The following SLIT2 variants were observed in gnomAD, a reference collection of about 807,000 sequenced individuals.
The protein encoded by SLIT2 is slit homolog 2 protein.
SLIT2 carries 41 observed loss-of-function variants against 185.7 expected under a neutral mutation model. That is an observed-to-expected ratio of 0.22 (90% CI 0.17 to 0.29). The LOEUF is 0.29. SLIT2 is among the 10% of genes least tolerant of loss of function. SLIT2 has a pLI of 1.00. For missense variants in SLIT2, 1,571 were observed against 1,909.0 expected, an observed-to-expected ratio of 0.82 and a Z score of 3.30; for synonymous variants, 693 against 680.2, an observed-to-expected ratio of 1.02 and a Z score of -0.29.
intron 4 of SLIT2, among the ~76,000 whole-genome samples, chr4:20,313,085 T>A (rs1244835957): frequency 1.3e-5 from 2 of 152,200 alleles, no homozygotes; most frequent in African/African-American, 4.8e-5. Flanking sequence ...TACTGTAGTC[T>A]TGTCACATTT....
intron 4 of SLIT2, among the ~76,000 whole-genome samples, chr4:20,274,488 AAATC>A: frequency 6.6e-6 from 1 of 152,292 alleles, no homozygotes; most frequent in Admixed American, 6.5e-5. Context: ...TTTATTTTTT[AAATC>A]AACGTGTAAT....
At chr4:20,404,918 A>G (rs1726658601) in intron 4 of SLIT2, among the ~76,000 whole-genome samples, 1 of 151,974 alleles carries the variant, frequency 6.6e-6, no homozygotes, top group Admixed American at 6.6e-5. Flanking sequence ...TTAATACAAT[A>G]TTGTGAAATA....
At chr4:20,538,523 C>G (rs1300221472) in intron 18 of SLIT2, among the ~76,000 whole-genome samples, 1 of 152,140 alleles carries the variant, frequency 6.6e-6, no homozygotes, top group Non-Finnish European at 1.5e-5. Flanking sequence ...TTTTACCTCT[C>G]TTTTTCACAT....
chr4:20,502,662 C>G (rs995382863), intron 9 of SLIT2, among the ~76,000 whole-genome samples: 1 of 151,952 alleles, frequency 6.6e-6, no homozygotes, highest in Non-Finnish European at 1.5e-5. Flanking sequence ...TGTGCAGAGT[C>G]CCAGGAAAAT....
At chr4:20,535,609 C>T (rs1342535792) in intron 18 of SLIT2, among the ~76,000 whole-genome samples, 1 of 152,060 alleles carries the variant, frequency 6.6e-6, no homozygotes, top group Admixed American at 6.5e-5. Flanking sequence ...CTGATTTTCT[C>T]ATCATTCTGG....
intron 4 of SLIT2, among the ~76,000 whole-genome samples, chr4:20,460,168 T>C (rs1713543999): frequency 6.6e-6 from 1 of 151,988 alleles, no homozygotes. Flanking sequence ...TGGCCATAAA[T>C]ATTTTTTCTT....
chr4:20,616,701 G>T (rs902400898), intron 34 of SLIT2: 1 of 463,872 alleles, frequency 2.2e-6, no homozygotes, highest in East Asian at 3.3e-5. Flanking sequence ...TCTAGTTGTG[G>T]ATTAGAATTT....
intron 4 of SLIT2, among the ~76,000 whole-genome samples, chr4:20,311,281 T>C (rs1718082042): frequency 6.6e-6 from 1 of 152,262 alleles, no homozygotes; most frequent in Admixed American, 6.5e-5. Context: ...TTAAACTTTG[T>C]ATCTAATTTT....
chr4:20,615,513 T>C (rs1203266914), intron 34 of SLIT2: 1 of 152,204 alleles, frequency 6.6e-6, no homozygotes, highest in Admixed American at 6.5e-5. Flanking sequence ...TTCTTATGTA[T>C]GACAAACTTA....
intron 17 of SLIT2, 87 bp from the exon 18 acceptor site, chr4:20,533,485 A>G: frequency 9.8e-7 from 1 of 1,017,836 alleles, no homozygotes; most frequent in Non-Finnish European, 1.5e-6. Flanking sequence ...GAAAACTTGG[A>G]TCATTAGAAG....
intron 4 of SLIT2, among the ~76,000 whole-genome samples, chr4:20,388,492 G>A (rs759065217): frequency 7.2e-5 from 11 of 151,964 alleles, no homozygotes; most frequent in South Asian, 2.1e-4. Context: ...ACGGAGATAC[G>A]GCCAGGCATG....
intron 4 of SLIT2, among the ~76,000 whole-genome samples, chr4:20,354,650 T>C (rs1237977284): frequency 6.6e-6 from 1 of 152,156 alleles, no homozygotes; most frequent in Admixed American, 6.5e-5. Context: ...TATTTTTGCA[T>C]GAATGAGCAC....
chr4:20,553,846 A>G lies in SLIT2; in HGVS notation c.2603A>G (p.Gln868Arg), dbSNP rs749242240. The G allele has an allele frequency of 3.7e-6, 6 of 1,603,990 alleles. No individual in the cohort carries two copies. The East Asian group carries it at 6.7e-5, about 18-fold the overall frequency. ...CCTCTTTACTGTGATTGTAACATGC[A>G]GTGGTTATCCGACTGGGTGAAGTCG... ...ANPLYCDCNMQWLSDWVKSEY... is the reference protein window; with the variant it reads ...ANPLYCDCNMRWLSDWVKSEY... Residue 868 changes from glutamine to arginine, a missense_variant, in exon 26 of 37, where the codon CAG becomes CGG. Physicochemically the swap from Gln to Arg is conservative, Grantham distance 43 (BLOSUM62 1). This residue lies in a region of SLIT2 where 1,202 missense variants were observed against 1,416.4 expected (regional missense o/e 0.85). Transcript: ENST00000504154.
At chr4:20,499,620 C>G (rs1026640066) in intron 9 of SLIT2, among the ~76,000 whole-genome samples, 1 of 152,108 alleles carries the variant, frequency 6.6e-6, no homozygotes, top group African/African-American at 2.4e-5. Flanking sequence ...TCCTGAGTAG[C>G]TGGGACTACA....
chr4:20,558,438 T>C (rs749977116), intron 26 of SLIT2, among the ~76,000 whole-genome samples: 1 of 152,088 alleles, frequency 6.6e-6, no homozygotes, highest in African/African-American at 2.4e-5. Flanking sequence ...ATTCACATTT[T>C]TTAGCAATAA....
chr4:20,302,121 A>G (rs886627726), intron 4 of SLIT2, among the ~76,000 whole-genome samples: 2 of 152,180 alleles, frequency 1.3e-5, no homozygotes, highest in African/African-American at 4.8e-5. Context: ...GCTTTTCATC[A>G]TTTTGCCAAA....
intron 4 of SLIT2, chr4:20,364,254 C>T: frequency 1.0e-6 from 1 of 984,934 alleles, no homozygotes; most frequent in Non-Finnish European, 1.2e-6. Flanking sequence ...AGACAGCTTT[C>T]TGCATCCTTT....
chr4:20,280,406 C>T (rs989113547), intron 4 of SLIT2, among the ~76,000 whole-genome samples: 1 of 151,582 alleles, frequency 6.6e-6, no homozygotes, highest in Admixed American at 6.6e-5. Context: ...CCTAGCTCTG[C>T]TGATCACTAG....
In SLIT2 at chr4:20,392,475, A is replaced by T. The variant is rs1180162930; in HGVS notation, c.396-75277A>T. The stretch of plus-strand genomic sequence containing the variant: ...CTGTACACTGCTGTAGACTTCATAA[A>T]TATTATATACTTAGGCTACACTGAA... On this transcript the variant is annotated intron_variant, in intron 4 of 36. Coordinates refer to ENST00000504154, the MANE Select transcript of SLIT2 (RefSeq NM_004787.4). Among the ~76,000 whole-genome samples the T allele has an allele frequency of 2.6e-5, 4 of 152,084 alleles. 1 individual carries two copies. Among genetic ancestry groups the T allele is most frequent in the Admixed American group, 2.0e-4 (3 of 15,224 alleles).
Sources: gnomAD v4.1 joint callset for allele counts (sites outside exome capture counted in the v4.1 genomes callset) on GRCh38, gnomAD v4.1.1 for gene constraint, gnomAD v4.1.1 regional missense constraint, MANE v1.5 for transcripts, NCBI Gene and HGNC (gene_info 2026-07-23, HGNC 2026-07-21) for gene names.